MCUB: variants seen among roughly 807,000 people sequenced by gnomAD.
MCUB encodes the protein calcium uniporter regulatory subunit MCUb, mitochondrial.
In MCUB, 46 loss-of-function variants were observed where a neutral mutation model predicts 41.4. That is an observed-to-expected ratio of 1.11 (90% confidence interval 0.88 to 1.42). The LOEUF is 1.42. MCUB is among the 40% of genes most tolerant of loss of function. The pLI is 0.00. For missense variants in MCUB, 403 were observed against 404.9 expected (o/e 1.00, Z 0.04); for synonymous variants, 148 against 148.2 (o/e 1.00, Z 0.01).
Position 109,657,893 on chromosome 4 carries a change from T to C in MCUB, c.100-1118T>C, listed in dbSNP as rs140127987. 4.5e-3 allele frequency among the ~76,000 whole-genome samples: 679 copies of C among 152,292 alleles called. 4 individuals are homozygous for C. The highest frequency in any genetic ancestry group is 0.01 in the Middle Eastern group (3 of 294). On this transcript the variant is annotated intron_variant, in intron 1 of 7. Coordinates refer to ENST00000394650, the MANE Select transcript of MCUB (RefSeq NM_017918.5). ...ATAGAAATATGCTATTCCTGCGCTT[T>C]TGCTTTTCAGTGAGATAGCCATTAG...
chr4:109,587,033 C>G (rs1727322641), intron 1 of MCUB, among the ~76,000 whole-genome samples: 1 of 152,212 alleles, frequency 6.6e-6, no homozygotes, highest in Non-Finnish European at 1.5e-5. Flanking sequence ...GTTTCTGATG[C>G]CTTTTATTCA....
intron 4 of MCUB, among the ~76,000 whole-genome samples, chr4:109,679,787 T>G (rs1050757183): frequency 6.6e-6 from 1 of 151,564 alleles, no homozygotes; most frequent in Non-Finnish European, 1.5e-5. Flanking sequence ...GAGGTATAAT[T>G]TTGTTGTTGT....
intron 1 of MCUB, among the ~76,000 whole-genome samples, chr4:109,572,465 C>A (rs1355439688): frequency 6.6e-6 from 1 of 152,094 alleles, no homozygotes; most frequent in Non-Finnish European, 1.5e-5. Context: ...AATTTAGTAG[C>A]ATTTTATAGA....
At chr4:109,660,430 G>C (rs1729205363) in intron 3 of MCUB, 65 bp downstream of exon 3, 3 of 840,360 alleles carry the variant, frequency 3.6e-6, no homozygotes, top group Non-Finnish European at 1.8e-6. Context: ...CTTTTGTTTG[G>C]TTCTTTACTT....
At chr4:109,579,889 A>AT (rs1386062981) in intron 1 of MCUB, among the ~76,000 whole-genome samples, 5 of 152,092 alleles carry the variant, frequency 3.3e-5, no homozygotes, top group African/African-American at 4.8e-5. Flanking sequence ...ACTTTTTATT[A>AT]TTTTTTTATT....
In MCUB at chr4:109,601,342, T is replaced by G. The variant is rs144900322; in HGVS notation, c.99+40906T>G. Among the ~76,000 whole-genome samples, 895 of 152,268 alleles carry G rather than the reference T, an allele frequency of 5.9e-3. 30 individuals carry two copies. The South Asian group carries it at 0.073, about 12-fold the overall frequency. On this transcript the variant is annotated intron_variant, in intron 1 of 7. Coordinates refer to ENST00000394650, the MANE Select transcript of MCUB (RefSeq NM_017918.5). ...CTATCAAATACTAGGTCTTATTCTT[T>G]CTAACTTTTTGGGGGGGTACCTGTT... is the stretch of plus-strand genomic sequence containing the variant.
At chr4:109,618,983 T>TCTCTCTCTAC (rs1561229587) in intron 1 of MCUB, among the ~76,000 whole-genome samples, 1 of 148,712 alleles carries the variant, frequency 6.7e-6, no homozygotes, top group East Asian at 2.0e-4. Context: ...TCTCTCTCTC[T>TCTCTCTCTAC]CTCTCTACCT....
intron 1 of MCUB, among the ~76,000 whole-genome samples, chr4:109,568,737 A>G (rs1726839725): frequency 1.3e-5 from 2 of 152,158 alleles, no homozygotes; most frequent in Non-Finnish European, 2.9e-5. Context: ...TGCTTGTAAG[A>G]CTTTCCCACC....
chr4:109,617,057 A>G (rs1000438233), intron 1 of MCUB, among the ~76,000 whole-genome samples: 1 of 151,460 alleles, frequency 6.6e-6, no homozygotes, highest in African/African-American at 2.4e-5. Flanking sequence ...TCCTAACCAT[A>G]TTGTTGTGAT....
At chr4:109,674,401 A>C (rs1157030375) in intron 4 of MCUB, among the ~76,000 whole-genome samples, 7 of 152,232 alleles carry the variant, frequency 4.6e-5, no homozygotes, top group African/African-American at 1.7e-4. Flanking sequence ...TTAAATTTTT[A>C]AGATGAACTT....
chr4:109,677,669 T>C (rs1729602494), intron 4 of MCUB, among the ~76,000 whole-genome samples: 1 of 152,126 alleles, frequency 6.6e-6, no homozygotes, highest in African/African-American at 2.4e-5. Context: ...CAGCCCCTGC[T>C]TGCTCTCTCT....
chr4:109,681,760 G>A (rs1729721191), intron 4 of MCUB, among the ~76,000 whole-genome samples: 2 of 152,228 alleles, frequency 1.3e-5, no homozygotes, highest in Non-Finnish European at 2.9e-5. Flanking sequence ...CACCCTGCTG[G>A]ATCCGGAAGA....
chr4:109,560,774 T>G (rs946397519), intron 1 of MCUB, among the ~76,000 whole-genome samples: 29 of 151,864 alleles, frequency 1.9e-4, no homozygotes, highest in African/African-American at 6.5e-4. Flanking sequence ...GGGCTGCAGC[T>G]CTCGGTCAGG....
chr4:109,655,704 T>A (rs750576768), intron 1 of MCUB, among the ~76,000 whole-genome samples: 1 of 152,120 alleles, frequency 6.6e-6, no homozygotes, highest in Non-Finnish European at 1.5e-5. Flanking sequence ...TCGGAATGAT[T>A]CTACGCAGAA....
intron 1 of MCUB, among the ~76,000 whole-genome samples, chr4:109,578,170 T>G (rs1438081933): frequency 2.0e-5 from 3 of 152,104 alleles, no homozygotes; most frequent in Admixed American, 6.6e-5. Context: ...AAAACCAATC[T>G]CTCTCTCTTC....
intron 1 of MCUB, among the ~76,000 whole-genome samples, chr4:109,589,825 CCTGA>C (rs1323966148): frequency 6.6e-6 from 1 of 152,226 alleles, no homozygotes; most frequent in Non-Finnish European, 1.5e-5. Context: ...ATACTATTCA[CCTGA>C]CTGACTTTTG....
chr4:109,687,821 G>T lies in MCUB; in HGVS notation c.*229G>T. 2.1e-6 allele frequency: 1 copy of T among 486,936 alleles called. No homozygotes were observed. The highest frequency in any genetic ancestry group is 3.6e-6 in the Non-Finnish European group (1 of 277,764). 30.2% of individuals were successfully genotyped at this position (486,936 alleles called of 1,614,324 possible). A position where few individuals can be genotyped will look rare whatever the true frequency, so the allele number is the denominator to read the frequency against. On this transcript the variant is annotated 3_prime_UTR_variant, in exon 8 of 8. Coordinates refer to ENST00000394650, the MANE Select transcript of MCUB (RefSeq NM_017918.5). ...GTCTATCAAAGCAACGGTGGCTGCTGTTAGCTAAAAATCCTTGTCAGCTTG... is the reference window on the plus strand; with the variant it reads ...GTCTATCAAAGCAACGGTGGCTGCTTTTAGCTAAAAATCCTTGTCAGCTTG...
At chr4:109,627,256 A>G (rs1728381247) in intron 1 of MCUB, among the ~76,000 whole-genome samples, 1 of 152,196 alleles carries the variant, frequency 6.6e-6, no homozygotes, top group Non-Finnish European at 1.5e-5. Context: ...GTTTGCTGGC[A>G]TGTATCTGGA....
chr4:109,677,252 C>G (rs1249070920), intron 4 of MCUB, among the ~76,000 whole-genome samples: 1 of 152,184 alleles, frequency 6.6e-6, no homozygotes, highest in African/African-American at 2.4e-5. Flanking sequence ...CCATACCTAT[C>G]CAGCCATTGT....
Sources: allele counts gnomAD v4.1 joint callset (sites outside exome capture counted in the v4.1 genomes callset), GRCh38; gene constraint gnomAD v4.1.1; transcripts MANE v1.5; gene names NCBI Gene and HGNC (gene_info 2026-07-23, HGNC 2026-07-21).